Variants in MFF observed in about 807,000 individuals in gnomAD.
MFF encodes the protein chromosome 2 open reading frame 33.
Under a neutral mutation model 36.9 loss-of-function variants are expected in MFF, and 12 were observed. The observed-to-expected ratio is 0.33, with a 90% confidence interval of 0.21 to 0.53. The LOEUF (loss-of-function observed/expected upper bound fraction) is 0.53, where lower values mean the gene tolerates loss of function less well. Ranked by LOEUF, MFF falls within the 20% of genes least tolerant of loss-of-function variation. MFF has a pLI of 0.95. For synonymous variants in MFF, 99 were observed against 126.2 expected (o/e 0.78, Z 1.44); for missense variants, 348 against 366.6 (o/e 0.95, Z 0.42).
At chr2:227,353,353 TC>T (rs949900441) in intron 7 of MFF, among the ~76,000 whole-genome samples, 1 of 152,226 alleles carries the variant, frequency 6.6e-6, no homozygotes, top group Non-Finnish European at 1.5e-5. Context: ...AAATATATTG[TC>T]GGTAGCAGTA....
At chr2:227,344,953 G>T (rs1345416358) in intron 5 of MFF, among the ~76,000 whole-genome samples, 1 of 152,038 alleles carries the variant, frequency 6.6e-6, no homozygotes, top group African/African-American at 2.4e-5. Context: ...TATTTTTCAT[G>T]TTAAATTATA....
intron 7 of MFF, 81 bp downstream of exon 7, chr2:227,352,654 C>A: frequency 8.9e-7 from 1 of 1,127,300 alleles, no homozygotes; most frequent in Non-Finnish European, 1.3e-6. Context: ...ATGTCGTAGC[C>A]ATGCCTGTGT....
At chr2:227,339,633 G>A (rs2075275067) in intron 4 of MFF, among the ~76,000 whole-genome samples, 1 of 152,198 alleles carries the variant, frequency 6.6e-6, no homozygotes, top group East Asian at 1.9e-4. Context: ...AAAGGCAGAA[G>A]CTGTACTGTT....
chr2:227,346,246 G>C (rs1443070784), intron 5 of MFF: 1 of 167,058 alleles, frequency 6.0e-6, no homozygotes, highest in South Asian at 2.1e-4. Context: ...CACATTGGAT[G>C]ACATTTAGCC....
chr2:227,343,014 A>G (rs1574954261), intron 5 of MFF, among the ~76,000 whole-genome samples: 1 of 152,058 alleles, frequency 6.6e-6, no homozygotes, highest in South Asian at 2.1e-4. Context: ...AAACTAGACC[A>G]TCTAAGGAAG....
At chr2:227,350,835 A>G (rs927138683) in intron 6 of MFF, among the ~76,000 whole-genome samples, 1 of 152,214 alleles carries the variant, frequency 6.6e-6, no homozygotes, top group Non-Finnish European at 1.5e-5. Flanking sequence ...GATTTTATGT[A>G]TTAAATCATA....
chr2:227,354,237 T>C (rs1487471287), intron 7 of MFF, among the ~76,000 whole-genome samples: 1 of 152,216 alleles, frequency 6.6e-6, no homozygotes, highest in African/African-American at 2.4e-5. Flanking sequence ...TTATTACTTT[T>C]AACAATATTT....
At chr2:227,331,891 A>G (rs1368621614) in intron 3 of MFF, among the ~76,000 whole-genome samples, 2 of 150,794 alleles carry the variant, frequency 1.3e-5, no homozygotes, top group East Asian at 1.9e-4. Flanking sequence ...TATATATTGT[A>G]CATTGCATAA....
At chr2:227,351,121 T>C (rs1176935979) in intron 6 of MFF, among the ~76,000 whole-genome samples, 1 of 152,198 alleles carries the variant, frequency 6.6e-6, no homozygotes, top group Non-Finnish European at 1.5e-5. Flanking sequence ...ACCATTTTCA[T>C]GTTAGTGCAA....
intron 3 of MFF, 32 bp from the exon 4 acceptor site, chr2:227,332,387 T>C: frequency 1.3e-6 from 2 of 1,514,412 alleles, no homozygotes; most frequent in Non-Finnish European, 1.8e-6. Flanking sequence ...CCCGCTTTTC[T>C]CTTCTTTGTC....
At chr2:227,340,258 T>C (rs1362457038) in intron 4 of MFF, 34 bp from the exon 5 acceptor site, 1 of 1,557,134 alleles carries the variant, frequency 6.4e-7, no homozygotes, top group South Asian at 1.1e-5. Context: ...CTAAGAATAT[T>C]TCTATTTCCT....
At chr2:227,356,553 A>T (rs1004617528) in intron 8 of MFF, among the ~76,000 whole-genome samples, 4 of 152,134 alleles carry the variant, frequency 2.6e-5, no homozygotes, top group African/African-American at 9.7e-5. Flanking sequence ...GAAGGCGGTT[A>T]TGCCAGGTTC....
chr2:227,346,717 G>A (rs972247788), intron 5 of MFF: 5 of 152,172 alleles, frequency 3.3e-5, no homozygotes, highest in African/African-American at 9.7e-5. Context: ...TCATTTATTC[G>A]TCATAAACTT....
intron 7 of MFF, among the ~76,000 whole-genome samples, chr2:227,353,765 T>TAAACC (rs2076122997): frequency 1.3e-5 from 2 of 152,194 alleles, no homozygotes; most frequent in African/African-American, 2.4e-5. Context: ...CAAATCGAGA[T>TAAACC]TTCAGATATC....
At position 227,357,468 on chromosome 2, in the gene MFF, A is replaced by G. The variant is rs966547497; in HGVS notation, c.*351A>G. The G allele has an allele frequency of 3.5e-5, 6 of 169,922 alleles. No individual in the cohort carries two copies. Among genetic ancestry groups the G allele is most frequent in the African/African-American group, 1.4e-4 (6 of 42,672 alleles). The allele number at this position is 169,922 out of a possible 1,614,324, so 10.5% of individuals were successfully genotyped here. A position where few individuals can be genotyped will look rare whatever the true frequency, so the allele number is the denominator to read the frequency against. Reference sequence around the variant, plus strand: ...GAGAGAGTCTGTAGAGAATTGATTCAGAAAAGTGTCTGTGAAAGAAAAACA... The same window carrying G: ...GAGAGAGTCTGTAGAGAATTGATTCGGAAAAGTGTCTGTGAAAGAAAAACA... On this transcript the variant is annotated 3_prime_UTR_variant, in exon 9 of 9. Transcript: ENST00000304593.
chr2:227,356,511 T>A (rs2076264825), intron 8 of MFF, among the ~76,000 whole-genome samples: 1 of 152,060 alleles, frequency 6.6e-6, no homozygotes, highest in Non-Finnish European at 1.5e-5. Context: ...ATTATTTTAT[T>A]GGATTGTCTC....
chr2:227,339,261 A>T (rs572610157), intron 4 of MFF, among the ~76,000 whole-genome samples: 6 of 152,258 alleles, frequency 3.9e-5, no homozygotes, highest in African/African-American at 1.4e-4. Context: ...TCACTGTTCT[A>T]GTTATCCATT....
intron 5 of MFF, among the ~76,000 whole-genome samples, chr2:227,342,366 A>G (rs1241754618): frequency 1.3e-5 from 2 of 152,202 alleles, no homozygotes; most frequent in Non-Finnish European, 2.9e-5. Flanking sequence ...AGAATTTTGT[A>G]TAATGAACAT....
chr2:227,332,532 A>G lies in MFF; in HGVS notation c.295A>G (p.Arg99Gly). The change falls in exon 4 of 9, where the codon AGA becomes GGA. Residue 99 changes from arginine (R) to glycine (G), a missense_variant. Physicochemically the swap from Arg to Gly is moderately radical, Grantham distance 125. Transcript: ENST00000304593. ...ACCTCGTGTACTTACGCTGAGTGAA[A>G]GACCACTAGATTTTCTGGATTTAGA... ...TPPRVLTLSE[R>G]PLDFLDLERP... 1 of 1,613,712 alleles carries G rather than the reference A, an allele frequency of 6.2e-7. No individual in the cohort carries two copies. Among genetic ancestry groups the G allele is most frequent in the Non-Finnish European group, 8.5e-7 (1 of 1,179,704 alleles).
Sources: allele counts gnomAD v4.1 joint callset (sites outside exome capture counted in the v4.1 genomes callset), GRCh38; gene constraint gnomAD v4.1.1; transcripts MANE v1.5; gene names NCBI Gene and HGNC (gene_info 2026-07-23, HGNC 2026-07-21).